Variants in ATRNL1 observed in about 807,000 individuals in gnomAD.
ATRNL1 encodes the protein attractin like 1.
A neutral mutation model predicts 182.7 loss-of-function variants in ATRNL1; 95 were observed. That is an observed-to-expected ratio of 0.52 (90% CI 0.44 to 0.62). The LOEUF (loss-of-function observed/expected upper bound fraction) is 0.62, where lower values mean the gene tolerates loss of function less well. Ranked by LOEUF, ATRNL1 falls within the 20% of genes least tolerant of loss-of-function variation. The probability of loss-of-function intolerance (pLI) is 0.00; values close to 1 mark genes in which losing one functional copy is unlikely to be tolerated. For missense variants in ATRNL1, 1,471 were observed against 1,679.5 expected, an observed-to-expected ratio of 0.88 and a Z score of 2.17; for synonymous variants, 576 against 568.3, an observed-to-expected ratio of 1.01 and a Z score of -0.19.
chr10:115,539,415 A>C (rs782326832), intron 25 of ATRNL1, among the ~76,000 whole-genome samples: 1 of 152,168 alleles, frequency 6.6e-6, no homozygotes, highest in African/African-American at 2.4e-5. Flanking sequence ...ATGGGCAGCT[A>C]TTTGGTATAT....
In ATRNL1 at chr10:115,778,024, TAA is replaced by T. The variant is rs376596562; in HGVS notation, c.3903+50671_3903+50672del. Among the ~76,000 whole-genome samples the T allele has an allele frequency of 2.2e-4, 33 of 152,240 alleles. No individual in the cohort carries two copies. In the South Asian group the frequency reaches 6.4e-3, roughly 30 times the overall value. ...TGGTAGAAGACAAAACACAATTGAATAAAGAGTAATGTTCAGGGGCCGGACTT... is the reference window on the plus strand; with the variant it reads ...TGGTAGAAGACAAAACACAATTGAATAGAGTAATGTTCAGGGGCCGGACTT... On this transcript the variant is annotated intron_variant, in intron 27 of 28. Coordinates refer to ENST00000355044, the MANE Select transcript of ATRNL1 (RefSeq NM_207303.4).
intron 19 of ATRNL1, among the ~76,000 whole-genome samples, chr10:115,351,891 T>A (rs187172948): frequency 3.1e-4 from 47 of 152,292 alleles, no homozygotes; most frequent in Admixed American, 9.2e-4. Flanking sequence ...TAAGTAGAAT[T>A]TGTTAGTTCT....
At chr10:115,820,321 A>G (rs1555089854) in intron 27 of ATRNL1, 1 of 152,106 alleles carries the variant, frequency 6.6e-6, no homozygotes, top group African/African-American at 2.4e-5. Context: ...AATAGAATAT[A>G]TTGATTGTCT....
intron 26 of ATRNL1, among the ~76,000 whole-genome samples, chr10:115,581,553 A>G (rs1394128749): frequency 2.6e-5 from 4 of 152,146 alleles, no homozygotes; most frequent in African/African-American, 9.7e-5. Context: ...TAAATATTAA[A>G]AGTCTAGTTT....
intron 26 of ATRNL1, among the ~76,000 whole-genome samples, chr10:115,624,495 A>G (rs1442905232): frequency 6.6e-6 from 1 of 152,206 alleles, no homozygotes; most frequent in Non-Finnish European, 1.5e-5. Context: ...ATCATCTTCG[A>G]TTATAAAATT....
In ATRNL1 at chr10:115,835,310, A is replaced by G. The variant is rs191197000; in HGVS notation, c.3904-12567A>G. On this transcript the variant is annotated intron_variant, in intron 27 of 28. Transcript: ENST00000355044. ...TTCATGACTTAACAAAAAGTAAGAT[A>G]CATTGAATCATTTGAATGCCAACTG... is the stretch of plus-strand genomic sequence containing the variant. Among the ~76,000 whole-genome samples the G allele has an allele frequency of 6.0e-3, 920 of 152,272 alleles. 5 individuals carry two copies. Among genetic ancestry groups the G allele is most frequent in the Non-Finnish European group, 7.2e-3 (489 of 68,012 alleles).
rs1398082675 is a variant in ATRNL1 at position 115,513,585 on chromosome 10, T to C, written c.3655-5678T>C. Among the ~76,000 whole-genome samples, 3 of 151,978 alleles carry C rather than the reference T, an allele frequency of 2.0e-5. No individual in the cohort carries two copies. In the East Asian group the frequency reaches 5.8e-4, roughly 29 times the overall value. The stretch of plus-strand genomic sequence containing the variant: ...TGATATATGCATAAATGTATACCCC[T>C]TAAGGAGGGAATCTTGAAAGAGAAT... On this transcript the variant is annotated intron_variant, in intron 24 of 28. Coordinates refer to ENST00000355044, the MANE Select transcript of ATRNL1 (RefSeq NM_207303.4).
intron 9 of ATRNL1, among the ~76,000 whole-genome samples, chr10:115,229,587 C>T (rs981326076): frequency 4.0e-5 from 6 of 151,758 alleles, no homozygotes; most frequent in African/African-American, 7.3e-5. Flanking sequence ...GAAATATATA[C>T]GCACACAAGC....
chr10:115,175,729 C>T (rs1847477573), intron 8 of ATRNL1, among the ~76,000 whole-genome samples: 1 of 152,072 alleles, frequency 6.6e-6, no homozygotes, highest in South Asian at 2.1e-4. Flanking sequence ...AAATTAATAT[C>T]TTACTTTACT....
chr10:115,351,076 T>G (rs1474015831), intron 19 of ATRNL1, among the ~76,000 whole-genome samples: 1 of 152,188 alleles, frequency 6.6e-6, no homozygotes, highest in African/African-American at 2.4e-5. Context: ...GAAATGCTAC[T>G]GAATTTATAT....
chr10:115,245,084 A>G (rs1554903740), intron 10 of ATRNL1, among the ~76,000 whole-genome samples: 1 of 152,216 alleles, frequency 6.6e-6, no homozygotes, highest in African/African-American at 2.4e-5. Flanking sequence ...AAACTAAATC[A>G]GTAAAAACTA....
intron 28 of ATRNL1, among the ~76,000 whole-genome samples, chr10:115,931,734 A>G (rs967604501): frequency 2.0e-5 from 3 of 152,216 alleles, no homozygotes; most frequent in African/African-American, 7.2e-5. Context: ...GACATTCTGT[A>G]ATGACATGTG....
At chr10:115,873,652 G>T (rs183250021) in intron 28 of ATRNL1, among the ~76,000 whole-genome samples, 1 of 152,086 alleles carries the variant, frequency 6.6e-6, no homozygotes, top group South Asian at 2.1e-4. Context: ...AAGACACCTC[G>T]TTTCTCCAAA....
chr10:115,729,535 GTT>G (rs1289045142), intron 27 of ATRNL1, among the ~76,000 whole-genome samples: 2 of 136,154 alleles, frequency 1.5e-5, no homozygotes, highest in African/African-American at 5.3e-5. Context: ...GTGTGTGTGT[GTT>G]GTTACTAGCC....
At chr10:115,731,184 A>G (rs1260454461) in intron 27 of ATRNL1, among the ~76,000 whole-genome samples, 1 of 152,188 alleles carries the variant, frequency 6.6e-6, no homozygotes, top group Non-Finnish European at 1.5e-5. Context: ...GACACTCAGT[A>G]TTAACCGTCA....
chr10:115,819,906 A>T (rs1467001246), intron 27 of ATRNL1: 1 of 151,892 alleles, frequency 6.6e-6, no homozygotes, highest in African/African-American at 2.4e-5. Context: ...TAAGTCAAAA[A>T]AAAAAAACCC....
Position 115,599,159 on chromosome 10 carries a change from A to G in ATRNL1, c.3795+49623A>G, listed in dbSNP as rs115487864. ...ACTGTATTGGAAAGCTATCAGGCTC[A>G]CAGTGTACTATAAAATTTTTCCCAA... On this transcript the variant is annotated intron_variant, in intron 26 of 28. Transcript: ENST00000355044. Among the ~76,000 whole-genome samples, 1,146 of 152,326 alleles carry G rather than the reference A, an allele frequency of 7.5e-3. 10 individuals carry two copies. Among genetic ancestry groups the G allele is most frequent in the African/African-American group, 0.025 (1,038 of 41,580 alleles).
intron 21 of ATRNL1, among the ~76,000 whole-genome samples, chr10:115,426,801 T>G (rs1338632577): frequency 6.6e-6 from 1 of 152,208 alleles, no homozygotes; most frequent in Non-Finnish European, 1.5e-5. Flanking sequence ...CTCAGTTCAC[T>G]GCAACCCCTG....
intron 10 of ATRNL1, among the ~76,000 whole-genome samples, chr10:115,245,763 A>G (rs1554903974): frequency 6.6e-6 from 1 of 152,010 alleles, no homozygotes; most frequent in Non-Finnish European, 1.5e-5. Flanking sequence ...AGGTTATTTT[A>G]TTAGTTCCTC....
Sources: gnomAD v4.1 joint callset for allele counts (sites outside exome capture counted in the v4.1 genomes callset) on GRCh38, gnomAD v4.1.1 for gene constraint, MANE v1.5 for transcripts, NCBI Gene and HGNC (gene_info 2026-07-23, HGNC 2026-07-21) for gene names.